The following USP54 variants were observed in gnomAD, a reference collection of about 807,000 sequenced individuals.
USP54 encodes the protein ubiquitin specific peptidase 54.
In USP54, 87 loss-of-function variants were observed where a neutral mutation model predicts 170.5. That is an observed-to-expected ratio of 0.51 (90% CI 0.43 to 0.61). The LOEUF (loss-of-function observed/expected upper bound fraction) is 0.61, where lower values mean the gene tolerates loss of function less well. Ranked by LOEUF, USP54 falls within the 20% of genes least tolerant of loss-of-function variation. The pLI is 0.00. For synonymous variants in USP54, 655 were observed against 742.8 expected (o/e 0.88, Z 1.92); for missense variants, 1,786 against 2,047.8 (o/e 0.87, Z 2.47).
At position 73,624,159 on chromosome 10, in the gene USP54, C is replaced by CATATATATATATAT. The variant is rs58238181; in HGVS notation, c.-18+1394_-18+1407dup. ...CAGCTGAAGAAGGATTTTTAAAAGCCATATATATATATATATATATATATA... is the reference window on the plus strand; with the variant it reads ...CAGCTGAAGAAGGATTTTTAAAAGCCATATATATATATATATATATATATATATATATATATATA... On this transcript the variant is annotated intron_variant, in intron 1 of 22. Transcript: ENST00000339859. Among the ~76,000 whole-genome samples, 86 of 69,848 alleles carry CATATATATATATAT rather than the reference C, an allele frequency of 1.2e-3. 2 individuals carry two copies. The highest frequency in any genetic ancestry group is 1.8e-3 in the Non-Finnish European group (68 of 37,828). 45.8% of individuals were successfully genotyped at this position (69,848 alleles called of 152,430 possible).
chr10:73,558,326 A>G (rs2133680870), intron 4 of USP54, among the ~76,000 whole-genome samples: 1 of 152,330 alleles, frequency 6.6e-6, no homozygotes, highest in Non-Finnish European at 1.5e-5. Context: ...CTTAGTATCA[A>G]GTAACACAGA....
In USP54 at chr10:73,520,051, A is replaced by T. The variant is rs2061665540; in HGVS notation, c.2483-59T>A. 2.6e-6 allele frequency: 4 copies of T among 1,532,618 alleles called. No individual in the cohort carries two copies. In the East Asian group the frequency reaches 9.8e-5, roughly 38 times the overall value. The allele number at this position is 1,532,618 out of a possible 1,614,324, so 94.9% of individuals were successfully genotyped here. ...ACACAAAACACAAATAAAAATAAAA[A>T]GAATAAAATTGAAAAAAAATGAGCA... On this transcript the variant is annotated intron_variant, in intron 18 of 23. Transcript: ENST00000687698.
At chr10:73,578,494 C>A (rs2076423715) in intron 1 of USP54, among the ~76,000 whole-genome samples, 1 of 152,170 alleles carries the variant, frequency 6.6e-6, no homozygotes, top group Non-Finnish European at 1.5e-5. Flanking sequence ...TCACTGCAGC[C>A]TCCGCCTCTT....
intron 22 of USP54, among the ~76,000 whole-genome samples, chr10:73,503,879 C>A (rs1006992205): frequency 2.5e-4 from 38 of 152,132 alleles, no homozygotes; most frequent in Non-Finnish European, 3.5e-4. Flanking sequence ...ACTACAAGCA[C>A]CCCCCACCAT....
At chr10:73,593,499 G>A (rs79380342), upstream of USP54, among the ~76,000 whole-genome samples, 5,353 of 152,088 alleles carry the variant, frequency 0.035, 152 homozygotes, top group South Asian at 0.11. Flanking sequence ...TTAAAATAGG[G>A]TTTTAGTTTA....
At chr10:73,526,335 C>T (rs2062839880) in intron 16 of USP54, among the ~76,000 whole-genome samples, 1 of 152,112 alleles carries the variant, frequency 6.6e-6, no homozygotes, top group Admixed American at 6.5e-5. Flanking sequence ...GCAACCTCCG[C>T]CTCCCAGGTT....
rs994920329 is a variant in USP54 at position 73,625,243 on chromosome 10, G to T, written c.-18+324C>A. ...CCCCCCTACCCTGCGCTTTATTTTAGAGTAGCAATCATTCATTATCCTACT... is the reference window on the plus strand; with the variant it reads ...CCCCCCTACCCTGCGCTTTATTTTATAGTAGCAATCATTCATTATCCTACT... On this transcript the variant is annotated intron_variant, in intron 1 of 22. Transcript: ENST00000339859. 5.0e-5 allele frequency among the ~76,000 whole-genome samples: 6 copies of T among 120,536 alleles called. No individual in the cohort carries two copies. In the South Asian group the frequency reaches 1.6e-3, roughly 32 times the overall value. 79.1% of individuals were successfully genotyped at this position (120,536 alleles called of 152,430 possible).
In USP54 at chr10:73,517,642, G is replaced by A. The variant is rs1279987498; in HGVS notation, c.2784C>T (p.Ser928=). The A allele has an allele frequency of 6.2e-7, 1 of 1,614,232 alleles. No homozygotes were observed. The highest frequency in any genetic ancestry group is 8.5e-7 in the Non-Finnish European group (1 of 1,180,050). The change falls in exon 20 of 24, where the codon TCC becomes TCT. Residue 928 remains serine (S), a synonymous_variant. Transcript: ENST00000687698. ...GASSFFHSPA[S]CHESHSSLSP... ...ATAGTGATGAGTGTGACTCATGGCA[G>A]GAAGCAGGTGAATGGAAGAAAGAAC...
At chr10:73,540,829 G>A (rs1383309732) in intron 9 of USP54, among the ~76,000 whole-genome samples, 1 of 152,142 alleles carries the variant, frequency 6.6e-6, no homozygotes, top group African/African-American at 2.4e-5. Context: ...ATCCCAGAAA[G>A]TTCATTTATT....
intron 4 of USP54, among the ~76,000 whole-genome samples, chr10:73,565,481 AC>A (rs990309674): frequency 6.6e-6 from 1 of 152,020 alleles, no homozygotes; most frequent in African/African-American, 2.4e-5. Flanking sequence ...GCCCCACTAC[AC>A]CCCAGCCTGG....
At position 73,545,523 on chromosome 10, in the gene USP54, G is replaced by C. The variant is rs2067601115; in HGVS notation, c.375+15C>G. 6 of 1,613,676 alleles carry C rather than the reference G, an allele frequency of 3.7e-6. No homozygotes were observed. In the African/African-American group the frequency reaches 4.0e-5, roughly 11 times the overall value. On this transcript the variant is annotated intron_variant, in intron 5 of 23. Transcript: ENST00000687698. Reference sequence around the variant, plus strand: ...TCCCACCCCATATCAAAGAGGGCCAGAGGCCAGCACTTACAAAGCACTCTG... The same window carrying C: ...TCCCACCCCATATCAAAGAGGGCCACAGGCCAGCACTTACAAAGCACTCTG...
At chr10:73,542,976 T>C (rs755816338) in intron 6 of USP54, 42 bp downstream of exon 6, 1 of 1,609,634 alleles carries the variant, frequency 6.2e-7, no homozygotes, top group African/African-American at 1.3e-5. Context: ...GGATAAAGTG[T>C]TCTGGAAGAA....
At chr10:73,586,188 G>A in intron 1 of USP54, among the ~76,000 whole-genome samples, 1 of 152,028 alleles carries the variant, frequency 6.6e-6, no homozygotes, top group Non-Finnish European at 1.5e-5. Flanking sequence ...TCCACTCCAA[G>A]TACACTAGAC....
Position 73,530,032 on chromosome 10 carries a change from C to T in USP54, c.1828+111G>A, listed in dbSNP as rs77988908. 5.9e-4 allele frequency: 890 copies of T among 1,498,502 alleles called. 9 individuals are homozygous for T. In the East Asian group the frequency reaches 0.016, roughly 28 times the overall value. The allele number at this position is 1,498,502 out of a possible 1,614,324, so 92.8% of individuals were successfully genotyped here. On this transcript the variant is annotated intron_variant, in intron 14 of 23. Transcript: ENST00000687698. ...ACTGAACTCATATCCCTAAAACACC[C>T]GACATCAGAGTAAAAGTGCCCCTTG...
intron 18 of USP54, 182 bp from the exon 19 acceptor site, chr10:73,520,174 C>G: frequency 1.2e-6 from 1 of 829,858 alleles, no homozygotes; most frequent in South Asian, 1.9e-5. Context: ...CTATAAGGAA[C>G]ATTGATGGAA....
intron 16 of USP54, among the ~76,000 whole-genome samples, chr10:73,525,953 T>C (rs1338963432): frequency 6.6e-6 from 1 of 152,050 alleles, no homozygotes; most frequent in Admixed American, 6.5e-5. Flanking sequence ...GTTTTGCAAA[T>C]AGCCACATGT....
At chr10:73,578,981 C>T (rs2076505616) in intron 1 of USP54, among the ~76,000 whole-genome samples, 1 of 149,376 alleles carries the variant, frequency 6.7e-6, no homozygotes, top group Non-Finnish European at 1.5e-5. Flanking sequence ...CCCTCTGTCG[C>T]CCAGGTTGGA....
chr10:73,582,149 TG>T (rs1225654182), intron 1 of USP54, among the ~76,000 whole-genome samples: 1 of 152,114 alleles, frequency 6.6e-6, no homozygotes, highest in African/African-American at 2.4e-5. Context: ...GGAACTGGCT[TG>T]TGCATAAAGG....
At chr10:73,584,946 G>A (rs1325646757) in intron 1 of USP54, among the ~76,000 whole-genome samples, 2 of 152,082 alleles carry the variant, frequency 1.3e-5, no homozygotes, top group Non-Finnish European at 2.9e-5. Context: ...CCACATTACT[G>A]ACTCATTGCC....
Sources: gnomAD v4.1 joint callset for allele counts (sites outside exome capture counted in the v4.1 genomes callset) on GRCh38, gnomAD v4.1.1 for gene constraint, MANE v1.5 for transcripts, NCBI Gene and HGNC (gene_info 2026-07-23, HGNC 2026-07-21) for gene names.